The following ASTN2 variants were observed in gnomAD, a reference collection of about 807,000 sequenced individuals.
The protein encoded by ASTN2 is astrotactin-2.
A neutral mutation model predicts 139.8 loss-of-function variants in ASTN2; 54 were observed. The observed-to-expected ratio is 0.39, with a 90% CI of 0.31 to 0.48. The LOEUF (loss-of-function observed/expected upper bound fraction) is 0.48, where lower values mean the gene tolerates loss of function less well. Among genes scored for constraint, ASTN2 ranks in the 20% least tolerant of loss-of-function variants. The pLI, the probability that ASTN2 is intolerant of heterozygous loss-of-function variation, is 0.95. For synonymous variants in ASTN2, 756 were observed against 719.5 expected (o/e 1.05, Z -0.81); for missense variants, 1,565 against 1,725.1 (o/e 0.91, Z 1.64).
At chr9:117,257,254 G>T (rs769563393) in intron 2 of ASTN2, among the ~76,000 whole-genome samples, 1 of 152,144 alleles carries the variant, frequency 6.6e-6, no homozygotes, top group Non-Finnish European at 1.5e-5. Context: ...CTAGAGTTTG[G>T]GGAACAGGGA....
At chr9:117,271,162 C>T (rs964900827) in intron 2 of ASTN2, among the ~76,000 whole-genome samples, 1 of 152,178 alleles carries the variant, frequency 6.6e-6, no homozygotes. Context: ...ATTTGACTTA[C>T]AGTTCCACAT....
intron 10 of ASTN2, among the ~76,000 whole-genome samples, chr9:116,890,810 G>A (rs1020998113): frequency 2.0e-5 from 3 of 152,152 alleles, no homozygotes; most frequent in Non-Finnish European, 4.4e-5. Context: ...AGTGGCAGGG[G>A]GGTGGAGCGG....
chr9:116,957,800 C>T (rs1325608005), intron 10 of ASTN2, among the ~76,000 whole-genome samples: 1 of 152,212 alleles, frequency 6.6e-6, no homozygotes, highest in Non-Finnish European at 1.5e-5. Context: ...CCTGTCTCAG[C>T]CTCCTGAGTA....
chr9:116,810,318 A>G (rs1831130871), intron 12 of ASTN2, among the ~76,000 whole-genome samples: 1 of 152,228 alleles, frequency 6.6e-6, no homozygotes, highest in Non-Finnish European at 1.5e-5. Flanking sequence ...GAAAGGCACT[A>G]TGCTGTAGAG....
At chr9:117,353,426 T>C (rs138909097) in intron 1 of ASTN2, among the ~76,000 whole-genome samples, 13 of 152,332 alleles carry the variant, frequency 8.5e-5, no homozygotes, top group African/African-American at 3.1e-4. Flanking sequence ...TACTGTGTGC[T>C]GGGCAACTAA....
At chr9:117,396,360 T>TA (rs1830677055) in intron 1 of ASTN2, among the ~76,000 whole-genome samples, 1 of 152,182 alleles carries the variant, frequency 6.6e-6, no homozygotes, top group African/African-American at 2.4e-5. Context: ...TATGAATGCT[T>TA]ACACTGCTAA....
chr9:116,861,391 C>T (rs989895204), intron 11 of ASTN2, among the ~76,000 whole-genome samples: 1 of 152,168 alleles, frequency 6.6e-6, no homozygotes, highest in Non-Finnish European at 1.5e-5. Flanking sequence ...TGAAAAAGGT[C>T]AGCCTTACAT....
intron 2 of ASTN2, among the ~76,000 whole-genome samples, chr9:117,224,132 C>T (rs111544481): frequency 1.6e-3 from 245 of 152,296 alleles, no homozygotes; most frequent in African/African-American, 5.3e-3. Context: ...GAGACACCAG[C>T]GTTTTCCCGT....
intron 16 of ASTN2, among the ~76,000 whole-genome samples, chr9:116,666,949 CTTTTTT>C (rs34835904): frequency 2.8e-5 from 2 of 70,362 alleles, no homozygotes; most frequent in African/African-American, 5.8e-5. Context: ...TTTATTTATT[CTTTTTT>C]TTTTTTTTTT....
chr9:116,633,046 T>C (rs571157769), intron 17 of ASTN2, among the ~76,000 whole-genome samples: 2 of 152,230 alleles, frequency 1.3e-5, no homozygotes, highest in Non-Finnish European at 2.9e-5. Context: ...GTGATCTTAG[T>C]AGACCTGCTC....
At chr9:117,168,005 A>G (rs1343363636) in intron 3 of ASTN2, among the ~76,000 whole-genome samples, 1 of 152,156 alleles carries the variant, frequency 6.6e-6, no homozygotes, top group Non-Finnish European at 1.5e-5. Flanking sequence ...GGGCAGTATG[A>G]TGGGGTAGAG....
At chr9:117,171,155 G>C (rs961056281) in intron 3 of ASTN2, among the ~76,000 whole-genome samples, 1 of 115,966 alleles carries the variant, frequency 8.6e-6, no homozygotes, top group Non-Finnish European at 1.9e-5. Flanking sequence ...ACAAACAAAG[G>C]CAAAAGAAAA....
intron 2 of ASTN2, among the ~76,000 whole-genome samples, chr9:117,239,598 C>T (rs1041126345): frequency 7.9e-5 from 12 of 152,138 alleles, no homozygotes; most frequent in African/African-American, 2.9e-4. Flanking sequence ...CCCTCCATCC[C>T]ATCCCCATTC....
chr9:117,253,305 G>C (rs980380746), intron 2 of ASTN2, among the ~76,000 whole-genome samples: 5 of 152,192 alleles, frequency 3.3e-5, no homozygotes, highest in African/African-American at 9.7e-5. Context: ...GGGGAGTAAA[G>C]CAGAGGAGCA....
intron 19 of ASTN2, among the ~76,000 whole-genome samples, chr9:116,588,426 GGT>G (rs1854247058): frequency 6.6e-6 from 1 of 152,140 alleles, no homozygotes; most frequent in African/African-American, 2.4e-5. Context: ...GTGACAGTGG[GGT>G]CATAGCAACA....
chr9:116,720,342 T>C (rs1408415770), intron 16 of ASTN2, among the ~76,000 whole-genome samples: 1 of 152,228 alleles, frequency 6.6e-6, no homozygotes, highest in East Asian at 1.9e-4. Flanking sequence ...TTCTATACCA[T>C]GGACTCTCCC....
Position 117,414,781 on chromosome 9 carries a change from G to A in ASTN2, c.158C>T (p.Ala53Val). Residue 53 changes from alanine to valine, a missense_variant, in exon 1 of 23, where the codon GCC (alanine) becomes GTC (valine). Ala to Val is a moderately conservative substitution (Grantham distance 64). Coordinates refer to ENST00000313400, the MANE Select transcript of ASTN2 (RefSeq NM_001365068.1). This position sits in a 1 kb window ranked among gnomAD's most constrained non-coding sequence, Gnocchi z 4.2. ...PPPPLLAGATAAASREPDSPC... is the reference protein window; with the variant it reads ...PPPPLLAGATVAASREPDSPC... ...GCTGTCGGGCTCCCGCGAGGCAGCG[G>A]CGGTGGCGCCGGCCAGCAGCGGCGG... 1 of 1,259,178 alleles carries A rather than the reference G, an allele frequency of 7.9e-7. No homozygotes were observed. The highest frequency in any genetic ancestry group is 1.0e-6 in the Non-Finnish European group (1 of 1,001,232). 78.0% of individuals were successfully genotyped at this position (1,259,178 alleles called of 1,614,324 possible).
At chr9:116,933,978 C>CTTTTTTTTTTTTTTTTT (rs1564347617) in intron 10 of ASTN2, among the ~76,000 whole-genome samples, 2 of 30,742 alleles carry the variant, frequency 6.5e-5, no homozygotes, top group African/African-American at 8.6e-5. Context: ...AAGTGTTAGT[C>CTTTTTTTTTTTTTTTTT]CTTTTTTTTT....
intron 4 of ASTN2, among the ~76,000 whole-genome samples, chr9:117,106,718 A>G (rs769812682): frequency 2.6e-5 from 4 of 152,170 alleles, no homozygotes; most frequent in African/African-American, 4.8e-5. Context: ...CGTTTTTACA[A>G]CTAGGTTTCA....
Sources: allele counts gnomAD v4.1 joint callset (sites outside exome capture counted in the v4.1 genomes callset), GRCh38; gene constraint gnomAD v4.1.1; non-coding constraint Gnocchi (gnomAD v3.1); transcripts MANE v1.5; gene names NCBI Gene and HGNC (gene_info 2026-07-23, HGNC 2026-07-21).